Variants in SLC36A1 observed in about 807,000 individuals in gnomAD.
SLC36A1 encodes the protein proton-coupled amino acid transporter 1.
A neutral mutation model predicts 47.5 loss-of-function variants in SLC36A1; 30 were observed. That is an observed-to-expected ratio of 0.63 (90% CI 0.47 to 0.86). The LOEUF is 0.86. Ranked by LOEUF, SLC36A1 falls within the 40% of genes least tolerant of loss-of-function variation. SLC36A1 has a pLI of 0.00. For missense variants in SLC36A1, 517 were observed against 606.0 expected (o/e 0.85, Z 1.54); for synonymous variants, 255 against 249.7 (o/e 1.02, Z -0.20).
the SLC36A1 span, among the ~76,000 whole-genome samples, chr5:151,521,032 T>C: frequency 6.6e-6 from 1 of 152,266 alleles, no homozygotes; most frequent in Non-Finnish European, 1.5e-5. Flanking sequence ...TTAGCCATGA[T>C]GTTAAACCAC....
intron 1 of SLC36A1, among the ~76,000 whole-genome samples, chr5:151,458,356 T>TATATATATATATACACACAC (rs796511045): frequency 1.5e-5 from 2 of 129,742 alleles, no homozygotes; most frequent in African/African-American, 7.1e-5. Context: ...TATATATATA[T>TATATATATATATACACACAC]ACACACACGA....
upstream of SLC36A1, among the ~76,000 whole-genome samples, chr5:151,432,548 G>C (rs777239930): frequency 4.6e-5 from 7 of 152,154 alleles, no homozygotes; most frequent in African/African-American, 1.7e-4. Flanking sequence ...TTATCCCCTG[G>C]TTATTCAATT....
chr5:151,522,821 T>C, the SLC36A1 span, among the ~76,000 whole-genome samples: 12 of 152,124 alleles, frequency 7.9e-5, no homozygotes, highest in Non-Finnish European at 8.8e-5. Flanking sequence ...TCACTGGTGC[T>C]GGAGCAAGTG....
the SLC36A1 span, among the ~76,000 whole-genome samples, chr5:151,532,849 G>A: frequency 3.9e-5 from 6 of 152,162 alleles, no homozygotes; most frequent in South Asian, 2.1e-4. Context: ...TCCCACACAC[G>A]TGGAACACAA....
chr5:151,522,254 C>T, the SLC36A1 span: 1 of 569,860 alleles, frequency 1.8e-6, no homozygotes, highest in African/African-American at 1.9e-5. Flanking sequence ...TCCAAAAGCA[C>T]TGACAGAAAA....
At chr5:151,552,540 C>T in the SLC36A1 span, among the ~76,000 whole-genome samples, 2 of 152,166 alleles carry the variant, frequency 1.3e-5, no homozygotes, top group African/African-American at 4.8e-5. Context: ...AGGGCCTATA[C>T]ATCCTCTAAA....
intron 1 of SLC36A1, among the ~76,000 whole-genome samples, chr5:151,458,339 A>G (rs1754975171): frequency 1.9e-5 from 2 of 105,924 alleles, no homozygotes; most frequent in Admixed American, 8.9e-5. Flanking sequence ...TATATGGGAT[A>G]TTTATATATA....
At chr5:151,418,855 C>T in the SLC36A1 span, among the ~76,000 whole-genome samples, 996 of 152,188 alleles carry the variant, frequency 6.5e-3, 15 homozygotes, top group East Asian at 0.027. Flanking sequence ...GCTTTGTGTC[C>T]CAACCCAGAT....
At chr5:151,497,586 A>T in the SLC36A1 span, among the ~76,000 whole-genome samples, 1 of 151,984 alleles carries the variant, frequency 6.6e-6, no homozygotes, top group African/African-American at 2.4e-5. Flanking sequence ...TATTTTTGGC[A>T]TAAGGGTACT....
chr5:151,463,077 T>C (rs1372335812), intron 2 of SLC36A1, among the ~76,000 whole-genome samples: 1 of 152,146 alleles, frequency 6.6e-6, no homozygotes, highest in Admixed American at 6.5e-5. Context: ...GGTTTCGCCT[T>C]GTTGGCCAGG....
the SLC36A1 span, among the ~76,000 whole-genome samples, chr5:151,536,626 G>T: frequency 6.6e-6 from 1 of 152,178 alleles, no homozygotes; most frequent in African/African-American, 2.4e-5. Flanking sequence ...TACCCTGCAG[G>T]AATCTCTGCT....
chr5:151,544,409 CAT>C, the SLC36A1 span: 2 of 1,614,178 alleles, frequency 1.2e-6, no homozygotes, highest in Non-Finnish European at 8.5e-7. Flanking sequence ...ACTGTGAACA[CAT>C]GTTTGGTCTT....
intron 8 of SLC36A1, among the ~76,000 whole-genome samples, chr5:151,474,891 C>T (rs1294581750): frequency 1.3e-5 from 2 of 152,154 alleles, no homozygotes; most frequent in Admixed American, 6.5e-5. Context: ...TTTTGATTTC[C>T]GAGACACCTT....
intron 1 of SLC36A1, among the ~76,000 whole-genome samples, chr5:151,456,893 C>T (rs1239948724): frequency 2.0e-5 from 3 of 152,138 alleles, no homozygotes; most frequent in African/African-American, 7.2e-5. Flanking sequence ...CATCCTCTGG[C>T]AGGTGGTGCT....
Position 151,485,588 on chromosome 5 carries a change from G to A in SLC36A1, c.1160-2395G>A, listed in dbSNP as rs73272017. ...GCATTTCCTTGCCCATCAGGTCTGT[G>A]AGGTTATGGGCCAGGGGCTTGAGGT... On this transcript the variant is annotated intron_variant, in intron 10 of 10. Transcript: ENST00000243389. Among the ~76,000 whole-genome samples the A allele has an allele frequency of 8.7e-3, 1,318 of 152,306 alleles. 18 individuals are homozygous for A. The highest frequency in any genetic ancestry group is 0.03 in the African/African-American group (1,256 of 41,576).
At chr5:151,382,774 A>C in the SLC36A1 span, among the ~76,000 whole-genome samples, 75,350 of 152,066 alleles carry the variant, frequency 0.5, 20,698 homozygotes, top group African/African-American at 0.75. Flanking sequence ...AGTCATTGGT[A>C]CCAGAATAAT....
intron 7 of SLC36A1, among the ~76,000 whole-genome samples, chr5:151,468,582 T>G (rs1756917337): frequency 6.6e-6 from 1 of 151,372 alleles, no homozygotes. Context: ...TCCTGTGCAT[T>G]GTGGGGTGTT....
the SLC36A1 span, among the ~76,000 whole-genome samples, chr5:151,356,586 TCTC>T: frequency 3.3e-5 from 5 of 152,050 alleles, no homozygotes; most frequent in Non-Finnish European, 4.4e-5. Context: ...AGGCACTGGC[TCTC>T]CTCCTGAATT....
chr5:151,509,323 A>T, the SLC36A1 span: 1 of 152,244 alleles, frequency 6.6e-6, no homozygotes, highest in Admixed American at 6.5e-5. Flanking sequence ...AATCTCTAAT[A>T]AGCAGCTTCC....
Sources: allele counts gnomAD v4.1 joint callset (sites outside exome capture counted in the v4.1 genomes callset), GRCh38; gene constraint gnomAD v4.1.1; transcripts MANE v1.5; gene names NCBI Gene and HGNC (gene_info 2026-07-23, HGNC 2026-07-21).